Variants in PHF2 observed in about 807,000 individuals in gnomAD.
PHF2 encodes the protein lysine-specific demethylase PHF2.
Under a neutral mutation model 120.5 loss-of-function variants are expected in PHF2, and 27 were observed. The observed-to-expected ratio is 0.22, with a 90% CI of 0.17 to 0.31. The LOEUF (loss-of-function observed/expected upper bound fraction) is 0.31, where lower values mean the gene tolerates loss of function less well. Among genes scored for constraint, PHF2 ranks in the 10% least tolerant of loss-of-function variants. PHF2 has a pLI of 1.00. For synonymous variants in PHF2, 568 were observed against 592.5 expected (o/e 0.96, Z 0.60); for missense variants, 1,024 against 1,434.8 (o/e 0.71, Z 4.63).
chr9:93,619,955 T>C (rs375097440), intron 1 of PHF2, among the ~76,000 whole-genome samples: 1 of 152,150 alleles, frequency 6.6e-6, no homozygotes, highest in African/African-American at 2.4e-5. Flanking sequence ...CCTGGTCTGG[T>C]CTGCCCTGAG....
chr9:93,648,931 A>T, intron 4 of PHF2, 140 bp from the exon 5 acceptor site: 1 of 871,284 alleles, frequency 1.1e-6, no homozygotes, highest in African/African-American at 1.7e-5. Context: ...GTTGGCACCT[A>T]GAGCCTCCGC....
At chr9:93,577,370 G>T (rs1862844851) in intron 1 of PHF2, among the ~76,000 whole-genome samples, 1 of 151,712 alleles carries the variant, frequency 6.6e-6, no homozygotes, top group African/African-American at 2.4e-5. Context: ...GGCGCGAGTG[G>T]CGGGCTCCGA....
At position 93,676,707 on chromosome 9, in the gene PHF2, G is replaced by T. The variant is rs10821199; in HGVS notation, c.2946G>T (p.Thr982=). 1.6e-6 allele frequency: 1 copy of T among 629,496 alleles called. No individual in the cohort carries two copies. The highest frequency in any genetic ancestry group is 2.6e-6 in the Non-Finnish European group (1 of 385,068). The allele number at this position is 629,496 out of a possible 1,614,324, so 39.0% of individuals were successfully genotyped here. A position where few individuals can be genotyped will look rare whatever the true frequency, so the allele number is the denominator to read the frequency against. The change falls in exon 21 of 22, where the codon ACG becomes ACT. Residue 982 remains threonine (T), a synonymous_variant. Transcript: ENST00000359246. Reference sequence around the variant, plus strand: ...CCGGCACCACCTCCACCTCCACCACGCCAGCCTCTACCACCCCGGCCTCCA... The same window carrying T: ...CCGGCACCACCTCCACCTCCACCACTCCAGCCTCTACCACCCCGGCCTCCA... ...ISAGTTSTST[T]PASTTPASTT... is the part of the protein sequence containing the mutation.
At chr9:93,672,143 G>A (rs1206099412) in intron 17 of PHF2, among the ~76,000 whole-genome samples, 6 of 110,916 alleles carry the variant, frequency 5.4e-5, no homozygotes, top group Non-Finnish European at 1.1e-4. Context: ...TGTAGGTACA[G>A]GTGTAGATGC....
chr9:93,616,511 A>G (rs888997411), intron 1 of PHF2, among the ~76,000 whole-genome samples: 10 of 152,172 alleles, frequency 6.6e-5, no homozygotes, highest in African/African-American at 2.4e-4. Context: ...CCTGACACCA[A>G]CTGAGCTCCG....
At chr9:93,613,699 G>A (rs753625519) in intron 1 of PHF2, among the ~76,000 whole-genome samples, 2 of 151,914 alleles carry the variant, frequency 1.3e-5, no homozygotes, top group Non-Finnish European at 2.9e-5. Context: ...AGCCTCCTGA[G>A]TAGCTGGGAT....
intron 1 of PHF2, among the ~76,000 whole-genome samples, chr9:93,614,282 C>G (rs1432514779): frequency 6.6e-6 from 1 of 152,260 alleles, no homozygotes; most frequent in African/African-American, 2.4e-5. Context: ...TTTCCAGATT[C>G]CTGGAGCAGT....
chr9:93,619,598 G>A (rs1825790988), intron 1 of PHF2, among the ~76,000 whole-genome samples: 1 of 152,202 alleles, frequency 6.6e-6, no homozygotes, highest in Admixed American at 6.5e-5. Context: ...CCTGCTGGTG[G>A]TTCCTGGTGG....
At chr9:93,620,975 C>G (rs1198223482) in intron 1 of PHF2, among the ~76,000 whole-genome samples, 2 of 152,232 alleles carry the variant, frequency 1.3e-5, no homozygotes, top group African/African-American at 4.8e-5. Context: ...GCCCTGGATC[C>G]TCGTTAGGTG....
intron 17 of PHF2, 74 bp from the exon 18 acceptor site, chr9:93,673,511 A>G: frequency 7.2e-7 from 1 of 1,380,396 alleles, no homozygotes; most frequent in Non-Finnish European, 9.9e-7. Flanking sequence ...TGTGCAGGCC[A>G]TAGGCTGTTG....
intron 17 of PHF2, among the ~76,000 whole-genome samples, chr9:93,668,177 A>G (rs1161089936): frequency 1.3e-5 from 2 of 152,226 alleles, no homozygotes; most frequent in Non-Finnish European, 2.9e-5. Context: ...AGCCAGCTGT[A>G]AGGTGCTTTT....
chr9:93,636,514 G>A lies in PHF2; in HGVS notation c.288G>A (p.Arg96=). 2.5e-6 allele frequency: 4 copies of A among 1,590,354 alleles called. No homozygotes were observed. The South Asian group carries it at 3.4e-5, about 14-fold the overall frequency. The change falls in exon 3 of 22, where the codon CGG becomes CGA. Residue 96 remains arginine (R), a synonymous_variant. Transcript: ENST00000359246. ...SQLFIKELRS[R]TFPSAEDVVA... Reference sequence around the variant, plus strand: ...TCTTCATCAAGGAGCTGCGGAGCCGGACCTTTCCCAGGTGGGCTGGCCTTC... The same window carrying A: ...TCTTCATCAAGGAGCTGCGGAGCCGAACCTTTCCCAGGTGGGCTGGCCTTC...
rs141575578 is a variant in PHF2, at chr9:93,668,211, C to T, written c.2348+971C>T. On this transcript the variant is annotated intron_variant, in intron 17 of 21. Transcript: ENST00000359246. ...TTATTTTAATGGGAGTGAAGCATGA[C>T]AGGAGGCTTCCATAGCGCCTTAGGG... is the stretch of plus-strand genomic sequence containing the variant. Among the ~76,000 whole-genome samples, 230 of 152,292 alleles carry T rather than the reference C, an allele frequency of 1.5e-3. 1 individual carries two copies. Among genetic ancestry groups the T allele is most frequent in the African/African-American group, 5.3e-3 (221 of 41,548 alleles).
At chr9:93,605,494 T>A (rs1017646050) in intron 1 of PHF2, among the ~76,000 whole-genome samples, 1 of 152,238 alleles carries the variant, frequency 6.6e-6, no homozygotes, top group African/African-American at 2.4e-5. Context: ...TCCTCTGTGC[T>A]CTGCCTATCC....
intron 12 of PHF2, among the ~76,000 whole-genome samples, chr9:93,662,651 G>GATGA (rs939161911): frequency 2.6e-5 from 4 of 151,646 alleles, no homozygotes; most frequent in Admixed American, 2.0e-4. Flanking sequence ...GAATGAACGG[G>GATGA]ATGAATGAAT....
At chr9:93,658,559 G>T (rs1054106943) in intron 10 of PHF2, among the ~76,000 whole-genome samples, 9 of 152,290 alleles carry the variant, frequency 5.9e-5, no homozygotes, top group African/African-American at 2.2e-4. Context: ...GGTGTGTCCT[G>T]GGAGGAAGGT....
At chr9:93,647,630 C>T (rs892626754) in intron 4 of PHF2, among the ~76,000 whole-genome samples, 35 of 152,184 alleles carry the variant, frequency 2.3e-4, no homozygotes, top group African/African-American at 2.4e-5. Flanking sequence ...TAGCTCACGC[C>T]TGTAATCCCA....
intron 1 of PHF2, among the ~76,000 whole-genome samples, chr9:93,612,561 T>C (rs1264523861): frequency 6.6e-6 from 1 of 152,252 alleles, no homozygotes; most frequent in Non-Finnish European, 1.5e-5. Context: ...ACAAAATCAC[T>C]AGTCAGGCAG....
intron 1 of PHF2, among the ~76,000 whole-genome samples, chr9:93,577,662 GA>G (rs753068477): frequency 2.4e-4 from 36 of 152,196 alleles, no homozygotes; most frequent in Non-Finnish European, 4.3e-4. Context: ...TTCCCGGCAG[GA>G]ACGCCGGTTT....
Sources: allele counts gnomAD v4.1 joint callset (sites outside exome capture counted in the v4.1 genomes callset), GRCh38; gene constraint gnomAD v4.1.1; transcripts MANE v1.5; gene names NCBI Gene and HGNC (gene_info 2026-07-23, HGNC 2026-07-21).